Variants in LARGE1 observed in about 807,000 individuals in gnomAD.
LARGE1 encodes the protein LARGE xylosyl- and glucuronyltransferase 1, also known as xylosyl- and glucuronyltransferase LARGE1.
Under a neutral mutation model 87.6 loss-of-function variants are expected in LARGE1, and 43 were observed. The ratio of observed to expected loss-of-function variants is 0.49; its 90% CI spans 0.38 to 0.63. The LOEUF (loss-of-function observed/expected upper bound fraction) is 0.63. Among genes scored for constraint, LARGE1 ranks in the 30% least tolerant of loss-of-function variants. LARGE1 has a pLI of 0.00. For missense variants in LARGE1, 802 were observed against 1,000.2 expected (o/e 0.80, Z 2.67); for synonymous variants, 434 against 394.6 (o/e 1.10, Z -1.18).
At chr22:33,296,864 C>G (rs1008166019) in intron 12 of LARGE1, among the ~76,000 whole-genome samples, 10 of 152,158 alleles carry the variant, frequency 6.6e-5, no homozygotes, top group Non-Finnish European at 1.5e-4. Flanking sequence ...CCACTGCGCC[C>G]AGCCCGCCAG....
At chr22:33,621,082 T>A (rs989884223) in intron 4 of LARGE1, among the ~76,000 whole-genome samples, 1 of 152,184 alleles carries the variant, frequency 6.6e-6, no homozygotes, top group African/African-American at 2.4e-5. Context: ...ATACGATGCA[T>A]CCCATTTTAA....
At chr22:33,379,387 A>G (rs117983116) in intron 9 of LARGE1, among the ~76,000 whole-genome samples, 14,573 of 151,650 alleles carry the variant, frequency 0.096, 917 homozygotes, top group South Asian at 0.24. Flanking sequence ...TACATTAGGT[A>G]TATCTCCTAA....
At chr22:33,441,070 A>AT (rs2067453797) in intron 6 of LARGE1, among the ~76,000 whole-genome samples, 1 of 92,998 alleles carries the variant, frequency 1.1e-5, no homozygotes. Flanking sequence ...TTTTGTTTGA[A>AT]CTTTTTTTTT....
At chr22:33,538,938 GAAGGTTGTGAAAATAAT>G (rs1483212756) in intron 6 of LARGE1, among the ~76,000 whole-genome samples, 9 of 152,184 alleles carry the variant, frequency 5.9e-5, no homozygotes, top group Admixed American at 3.3e-4. Flanking sequence ...TAACACATTT[GAAGGTTGTGAAAATAAT>G]TCAGTGGATC....
At chr22:33,844,998 G>A (rs938679764) in intron 1 of LARGE1, among the ~76,000 whole-genome samples, 9 of 152,112 alleles carry the variant, frequency 5.9e-5, no homozygotes, top group East Asian at 1.9e-4. Context: ...GATTACAGAC[G>A]TGAGCTACCG....
At chr22:33,640,093 G>A (rs1332379161) in intron 3 of LARGE1, among the ~76,000 whole-genome samples, 1 of 152,226 alleles carries the variant, frequency 6.6e-6, no homozygotes, top group Non-Finnish European at 1.5e-5. Context: ...ACCGTGACAG[G>A]ATGTCAAGAT....
chr22:33,104,895 CTTTCTTTCTT>C, the LARGE1 span, among the ~76,000 whole-genome samples: 3,357 of 56,438 alleles, frequency 0.059, 61 homozygotes, highest in Middle Eastern at 0.1. Context: ...CTCTCTCTTT[CTTTCTTTCTT>C]TCTTTCTTTC....
chr22:33,506,274 T>G (rs1368148246), intron 6 of LARGE1, among the ~76,000 whole-genome samples: 1 of 152,164 alleles, frequency 6.6e-6, no homozygotes, highest in Non-Finnish European at 1.5e-5. Context: ...CAGCTGCTGC[T>G]TTTGGAACAA....
intron 1 of LARGE1, among the ~76,000 whole-genome samples, chr22:33,763,078 C>T (rs546008582): frequency 2.0e-5 from 3 of 152,212 alleles, no homozygotes; most frequent in Non-Finnish European, 2.9e-5. Context: ...CTTTCCCCAC[C>T]AGCCTTAGCA....
chr22:33,363,217 C>T (rs1374541361), intron 9 of LARGE1, among the ~76,000 whole-genome samples: 1 of 149,606 alleles, frequency 6.7e-6, no homozygotes, highest in East Asian at 1.9e-4. Flanking sequence ...GAATGGTTGC[C>T]TGAAACCATG....
intron 1 of LARGE1, among the ~76,000 whole-genome samples, chr22:33,805,899 G>A (rs1318603017): frequency 2.6e-5 from 4 of 152,006 alleles, no homozygotes; most frequent in African/African-American, 7.3e-5. Context: ...CTCTCCCCTT[G>A]CTACATTTTA....
At chr22:33,254,311 T>C (rs900257667) in intron 11 of LARGE1, among the ~76,000 whole-genome samples, 19 of 152,166 alleles carry the variant, frequency 1.2e-4, no homozygotes, top group African/African-American at 4.6e-4. Context: ...TGGGCCTGTG[T>C]TGGAAGCAGG....
At chr22:33,118,607 T>C in the LARGE1 span, among the ~76,000 whole-genome samples, 1 of 151,868 alleles carries the variant, frequency 6.6e-6, no homozygotes, top group Non-Finnish European at 1.5e-5. Context: ...TGGCTGAGTG[T>C]TGATTCTTTT....
chr22:33,545,533 C>T (rs1394285707), intron 6 of LARGE1, among the ~76,000 whole-genome samples: 1 of 152,140 alleles, frequency 6.6e-6, no homozygotes, highest in Admixed American at 6.5e-5. Context: ...CCTCCACCTC[C>T]TGGGTTCAAG....
chr22:33,844,494 G>C (rs778452233), intron 1 of LARGE1, among the ~76,000 whole-genome samples: 4 of 152,116 alleles, frequency 2.6e-5, no homozygotes, highest in African/African-American at 7.2e-5. Flanking sequence ...CACTTAGGAC[G>C]ATCAGGCAGC....
At chr22:33,683,097 T>C (rs990645141) in intron 2 of LARGE1, among the ~76,000 whole-genome samples, 3 of 152,266 alleles carry the variant, frequency 2.0e-5, no homozygotes, top group African/African-American at 7.2e-5. Context: ...CAATCTGTCA[T>C]GGTAATAAAT....
intron 12 of LARGE1, among the ~76,000 whole-genome samples, chr22:33,303,892 G>T (rs984555715): frequency 6.6e-6 from 1 of 152,150 alleles, no homozygotes; most frequent in Non-Finnish European, 1.5e-5. Context: ...CAAAGTGCTA[G>T]GATTACAGGC....
At chr22:33,677,136 G>T (rs2081606200) in intron 2 of LARGE1, among the ~76,000 whole-genome samples, 1 of 152,012 alleles carries the variant, frequency 6.6e-6, no homozygotes, top group African/African-American at 2.4e-5. Context: ...GTGTTGATGT[G>T]TTAATGCTCA....
the LARGE1 span, among the ~76,000 whole-genome samples, chr22:33,124,066 C>A: frequency 6.6e-6 from 1 of 152,172 alleles, no homozygotes; most frequent in Non-Finnish European, 1.5e-5. Flanking sequence ...GGGGGCGGAT[C>A]ACTTGAGGTC....
Sources: allele counts gnomAD v4.1 joint callset (sites outside exome capture counted in the v4.1 genomes callset), GRCh38; gene constraint gnomAD v4.1.1; transcripts MANE v1.5; gene names NCBI Gene and HGNC (gene_info 2026-07-23, HGNC 2026-07-21).